The following PHF24 variants were observed in gnomAD, a reference collection of about 807,000 sequenced individuals.
The protein encoded by PHF24 is Galpha inhibitory interacting protein.
In PHF24, 25 loss-of-function variants were observed where a neutral mutation model predicts 42.6. The ratio of observed to expected loss-of-function variants is 0.59; its 90% confidence interval spans 0.43 to 0.82. The LOEUF (loss-of-function observed/expected upper bound fraction) is 0.82. PHF24 is among the 40% of genes least tolerant of loss of function. PHF24 has a pLI of 0.00. For synonymous variants in PHF24, 185 were observed against 204.8 expected, an observed-to-expected ratio of 0.90 and a Z score of 0.83; for missense variants, 470 against 538.1, an observed-to-expected ratio of 0.87 and a Z score of 1.25.
chr9:34,744,132 A>G, the PHF24 span, among the ~76,000 whole-genome samples: 1 of 152,174 alleles, frequency 6.6e-6, no homozygotes, highest in Non-Finnish European at 1.5e-5. Context: ...TTTGGGAGGC[A>G]CATTCAAACC....
chr9:34,667,358 C>T, the PHF24 span, among the ~76,000 whole-genome samples: 82 of 152,306 alleles, frequency 5.4e-4, no homozygotes, highest in Middle Eastern at 3.4e-3. Context: ...TTGTCTGAGC[C>T]ACATACAGAG....
chr9:34,953,814 G>T (rs1009122621), upstream of PHF24, among the ~76,000 whole-genome samples: 1 of 151,866 alleles, frequency 6.6e-6, no homozygotes, highest in African/African-American at 2.4e-5. This position sits in a 1 kb window ranked among gnomAD's most constrained non-coding sequence, Gnocchi z 4.1. Flanking sequence ...AAATAGCCAG[G>T]TATGATGTCT....
chr9:34,948,069 A>G, the PHF24 span, among the ~76,000 whole-genome samples: 1 of 151,484 alleles, frequency 6.6e-6, no homozygotes, highest in African/African-American at 2.4e-5. Context: ...AGATCGCACC[A>G]CTGCACTCCA....
chr9:34,702,653 T>G, the PHF24 span, among the ~76,000 whole-genome samples: 1 of 152,108 alleles, frequency 6.6e-6, no homozygotes, highest in Non-Finnish European at 1.5e-5. Flanking sequence ...CTAGAAGAAT[T>G]ACAAATATAG....
the PHF24 span, among the ~76,000 whole-genome samples, chr9:34,892,033 CCT>C: frequency 6.6e-6 from 1 of 152,128 alleles, no homozygotes. Flanking sequence ...CAAAGCCTCC[CCT>C]GTTTTGGAGA....
the PHF24 span, among the ~76,000 whole-genome samples, chr9:34,753,541 A>G: frequency 2.0e-5 from 3 of 152,168 alleles, no homozygotes; most frequent in African/African-American, 7.2e-5. Context: ...GAAAAGCTCC[A>G]TGTTGTTAAA....
the PHF24 span, among the ~76,000 whole-genome samples, chr9:34,808,002 A>C: frequency 6.6e-6 from 1 of 152,198 alleles, no homozygotes; most frequent in Non-Finnish European, 1.5e-5. Context: ...TAGATATTTT[A>C]ATCAAATTGT....
the PHF24 span, among the ~76,000 whole-genome samples, chr9:34,697,981 T>C: frequency 1.3e-5 from 2 of 152,152 alleles, no homozygotes; most frequent in African/African-American, 2.4e-5. Context: ...CTATGAAATC[T>C]GTAGGGATGA....
At chr9:34,748,106 A>T in the PHF24 span, among the ~76,000 whole-genome samples, 1 of 152,154 alleles carries the variant, frequency 6.6e-6, no homozygotes, top group African/African-American at 2.4e-5. Flanking sequence ...GGGAGAAGGG[A>T]GGGTAGGAGG....
the PHF24 span, among the ~76,000 whole-genome samples, chr9:34,737,617 T>C: frequency 6.6e-6 from 1 of 152,338 alleles, no homozygotes; most frequent in South Asian, 2.1e-4. Context: ...CCTATCAAAC[T>C]GTTTTCCATA....
the PHF24 span, among the ~76,000 whole-genome samples, chr9:34,686,803 C>T: frequency 2.0e-5 from 3 of 152,158 alleles, no homozygotes; most frequent in African/African-American, 7.2e-5. Context: ...TAGGAGTCCA[C>T]ACCACTCCTC....
chr9:34,741,493 G>A, the PHF24 span, among the ~76,000 whole-genome samples: 1 of 152,010 alleles, frequency 6.6e-6, no homozygotes, highest in Admixed American at 6.5e-5. Context: ...CTCCTGAGTA[G>A]CTGGGATTAC....
the PHF24 span, among the ~76,000 whole-genome samples, chr9:34,902,719 T>C: frequency 8.5e-5 from 13 of 152,358 alleles, no homozygotes; most frequent in East Asian, 2.5e-3. Context: ...TTTCAGTAGC[T>C]GTATCCTTTT....
the PHF24 span, among the ~76,000 whole-genome samples, chr9:34,864,641 G>T: frequency 0.45 from 68,281 of 152,006 alleles, 15,956 homozygotes; most frequent in East Asian, 0.67. Flanking sequence ...TGCAAGAAGT[G>T]CTAAAGGGAG....
the PHF24 span, among the ~76,000 whole-genome samples, chr9:34,887,598 G>A: frequency 6.6e-6 from 1 of 152,076 alleles, no homozygotes; most frequent in Non-Finnish European, 1.5e-5. Context: ...GTTTACCCAC[G>A]TGGTTTACTC....
chr9:34,974,081 G>A (rs1827103334), intron 3 of PHF24, among the ~76,000 whole-genome samples: 1 of 152,172 alleles, frequency 6.6e-6, no homozygotes, highest in East Asian at 1.9e-4. Context: ...TCGTAGCACT[G>A]CAGCCTTGAA....
the PHF24 span, chr9:34,709,239 T>G: frequency 6.6e-6 from 6 of 904,068 alleles, no homozygotes; most frequent in Non-Finnish European, 1.1e-5. Context: ...GGAATGCAGA[T>G]GGGGTGGTTA....
the PHF24 span, among the ~76,000 whole-genome samples, chr9:34,890,555 C>T: frequency 3.3e-5 from 5 of 152,178 alleles, no homozygotes; most frequent in East Asian, 1.9e-4. Context: ...TTTAGTTCAA[C>T]GGCAAGCTGT....
chr9:34,878,666 G>A, the PHF24 span, among the ~76,000 whole-genome samples: 1 of 152,232 alleles, frequency 6.6e-6, no homozygotes, highest in African/African-American at 2.4e-5. Flanking sequence ...AAGGCTGGGG[G>A]AGGGGCGTCC....
Sources: gnomAD v4.1 joint callset for allele counts (sites outside exome capture counted in the v4.1 genomes callset) on GRCh38, gnomAD v4.1.1 for gene constraint, Gnocchi (gnomAD v3.1) non-coding constraint, MANE v1.5 for transcripts, NCBI Gene and HGNC (gene_info 2026-07-23, HGNC 2026-07-21) for gene names.